DNAJC15: variants seen among roughly 807,000 people sequenced by gnomAD.
The protein encoded by DNAJC15 is dnaJ homolog subfamily C member 15.
DNAJC15 carries 27 observed loss-of-function variants against 22.4 expected under a neutral mutation model. That is an observed-to-expected ratio of 1.20 (90% CI 0.89 to 1.66). DNAJC15 has a LOEUF of 1.66. DNAJC15 is among the 40% of genes most tolerant of loss of function. The pLI, the probability that DNAJC15 is intolerant of heterozygous loss-of-function variation, is 0.00. For missense variants in DNAJC15, 208 were observed against 187.1 expected (o/e 1.11, Z -0.65); for synonymous variants, 79 against 63.2 (o/e 1.25, Z -1.19).
chr13:43,033,356 A>G (rs1230661380), intron 1 of DNAJC15, among the ~76,000 whole-genome samples: 3 of 152,130 alleles, frequency 2.0e-5, no homozygotes, highest in Non-Finnish European at 4.4e-5. Context: ...GTTAAAGGTT[A>G]CAGTGAATTA....
chr13:43,088,377 G>T (rs184515300), intron 5 of DNAJC15, among the ~76,000 whole-genome samples: 22 of 152,140 alleles, frequency 1.4e-4, no homozygotes, highest in Admixed American at 6.5e-5. Context: ...GCTCTGTCCC[G>T]GGGAAAATGT....
At chr13:43,096,642 T>G (rs2040741097) in intron 5 of DNAJC15, among the ~76,000 whole-genome samples, 1 of 152,228 alleles carries the variant, frequency 6.6e-6, no homozygotes, top group South Asian at 2.1e-4. Flanking sequence ...TATATTCCAC[T>G]GTGAGAGACA....
At chr13:43,033,196 G>C (rs1047651177) in intron 1 of DNAJC15, among the ~76,000 whole-genome samples, 1 of 152,206 alleles carries the variant, frequency 6.6e-6, no homozygotes, top group African/African-American at 2.4e-5. Flanking sequence ...AGTGAGATTT[G>C]CTGAGGGACA....
chr13:43,069,619 A>G (rs1190113091), intron 3 of DNAJC15, among the ~76,000 whole-genome samples: 2 of 152,202 alleles, frequency 1.3e-5, no homozygotes. Flanking sequence ...GTTTGTAACC[A>G]CTGAAGACAA....
intron 1 of DNAJC15, among the ~76,000 whole-genome samples, chr13:43,038,404 C>T (rs756152830): frequency 1.3e-5 from 2 of 152,154 alleles, no homozygotes; most frequent in Non-Finnish European, 2.9e-5. Flanking sequence ...TCACATGGCC[C>T]CATCCAGAGG....
At chr13:43,034,086 ATAC>A in intron 1 of DNAJC15, among the ~76,000 whole-genome samples, 1 of 151,752 alleles carries the variant, frequency 6.6e-6, no homozygotes, top group African/African-American at 2.4e-5. Context: ...TGAAGTGTAC[ATAC>A]TATAAACATG....
Position 43,023,765 on chromosome 13 carries a change from C to T in DNAJC15, c.108+31C>T, listed in dbSNP as rs779416542. On this transcript the variant is annotated intron_variant, in intron 1 of 5. Coordinates refer to ENST00000379221, the MANE Select transcript of DNAJC15 (RefSeq NM_013238.3). Reference sequence around the variant, plus strand: ...TCCTGCCAGCGGCCCCCACCCCTCTCTGGCTCCCTTGTAGTTTCTGCTTCA... The same window carrying T: ...TCCTGCCAGCGGCCCCCACCCCTCTTTGGCTCCCTTGTAGTTTCTGCTTCA... 11 of 1,569,952 alleles carry T rather than the reference C, an allele frequency of 7.0e-6. No homozygotes were observed. In the South Asian group the frequency reaches 1.0e-4, roughly 15 times the overall value.
intron 5 of DNAJC15, among the ~76,000 whole-genome samples, chr13:43,101,079 A>G (rs1469895344): frequency 1.3e-5 from 2 of 152,054 alleles, no homozygotes; most frequent in Non-Finnish European, 2.9e-5. Context: ...CTTTTCAGTG[A>G]TTTGCTGCTG....
intron 5 of DNAJC15, among the ~76,000 whole-genome samples, chr13:43,102,342 A>G (rs750324652): frequency 6.6e-6 from 1 of 152,116 alleles, no homozygotes; most frequent in African/African-American, 2.4e-5. Flanking sequence ...CCTTTGTCAG[A>G]TACACAGTTT....
At chr13:43,043,773 A>G (rs1377563255) in intron 1 of DNAJC15, among the ~76,000 whole-genome samples, 1 of 152,244 alleles carries the variant, frequency 6.6e-6, no homozygotes, top group Non-Finnish European at 1.5e-5. Context: ...TTAAAAACAG[A>G]GCAAATAGAA....
At chr13:43,027,642 C>T (rs1205035867) in intron 1 of DNAJC15, among the ~76,000 whole-genome samples, 1 of 151,192 alleles carries the variant, frequency 6.6e-6, no homozygotes, top group African/African-American at 2.4e-5. Context: ...GGATTATGTA[C>T]TGTATACCCA....
intron 4 of DNAJC15, among the ~76,000 whole-genome samples, chr13:43,082,898 A>ATG (rs1215517563): frequency 6.6e-6 from 1 of 151,418 alleles, no homozygotes; most frequent in East Asian, 2.0e-4. Flanking sequence ...GTGTGTATAT[A>ATG]TATGTGTGTG....
In DNAJC15 at chr13:43,070,505, T is replaced by G. The variant is rs543995577; in HGVS notation, c.234+1502T>G. ...TATAATACCTAAAAGTGTCGAGTGC[T>G]TTTGAGAAAACCAAATCAGGGTAAG... On this transcript the variant is annotated intron_variant, in intron 3 of 5. Coordinates refer to ENST00000379221, the MANE Select transcript of DNAJC15 (RefSeq NM_013238.3). 2.0e-5 allele frequency among the ~76,000 whole-genome samples: 3 copies of G among 152,034 alleles called. No individual in the cohort carries two copies. The East Asian group carries it at 5.8e-4, about 29-fold the overall frequency.
intron 5 of DNAJC15, among the ~76,000 whole-genome samples, chr13:43,106,790 T>C (rs2040798830): frequency 2.1e-5 from 3 of 140,414 alleles, no homozygotes; most frequent in Admixed American, 2.1e-4. Flanking sequence ...CACAGATGAA[T>C]GTGTCTTTAA....
chr13:43,077,639 C>T (rs762441559), intron 3 of DNAJC15, among the ~76,000 whole-genome samples: 5 of 152,206 alleles, frequency 3.3e-5, no homozygotes, highest in East Asian at 1.9e-4. Context: ...TTCCTTTAGG[C>T]AAGGCAATTC....
At chr13:43,055,162 ACT>A (rs1266920009) in intron 1 of DNAJC15, among the ~76,000 whole-genome samples, 1 of 151,066 alleles carries the variant, frequency 6.6e-6, no homozygotes, top group Non-Finnish European at 1.5e-5. Flanking sequence ...AGACACAGAA[ACT>A]CTCCCTCTCA....
chr13:43,034,028 CA>C (rs568856935), intron 1 of DNAJC15, among the ~76,000 whole-genome samples: 195 of 108,634 alleles, frequency 1.8e-3, no homozygotes, highest in Non-Finnish European at 2.2e-3. Context: ...AACTTCATCT[CA>C]AAAAAAAAAA....
chr13:43,050,928 G>GAAGA (rs2040499916), intron 1 of DNAJC15, among the ~76,000 whole-genome samples: 8 of 151,926 alleles, frequency 5.3e-5, no homozygotes, highest in African/African-American at 1.9e-4. Flanking sequence ...TTTTACTCTA[G>GAAGA]TGATCTACCT....
intron 1 of DNAJC15, among the ~76,000 whole-genome samples, chr13:43,048,970 A>G (rs1373768285): frequency 6.8e-6 from 1 of 147,032 alleles, no homozygotes; most frequent in African/African-American, 2.4e-5. Context: ...TTTTTTTTAA[A>G]GAATTAAAAA....
Sources: gnomAD v4.1 joint callset for allele counts (sites outside exome capture counted in the v4.1 genomes callset) on GRCh38, gnomAD v4.1.1 for gene constraint, MANE v1.5 for transcripts, NCBI Gene and HGNC (gene_info 2026-07-23, HGNC 2026-07-21) for gene names.